CYLC2: variants seen among roughly 807,000 people sequenced by gnomAD.
CYLC2 encodes the protein cylicin 2.
CYLC2 carries 30 observed loss-of-function variants against 26.1 expected under a neutral mutation model. The ratio of observed to expected loss-of-function variants is 1.15; its 90% CI spans 0.86 to 1.56. The LOEUF is 1.56. Among genes scored for constraint, CYLC2 ranks in the 40% most tolerant of loss-of-function variants. The probability of loss-of-function intolerance (pLI) is 0.00; values close to 1 mark genes in which losing one functional copy is unlikely to be tolerated. For missense variants in CYLC2, 498 were observed against 394.4 expected (o/e 1.26, Z -2.23); for synonymous variants, 158 against 132.8 (o/e 1.19, Z -1.31).
chr9:103,001,756 T>C, intron 2 of CYLC2, 138 bp downstream of exon 2: 1 of 592,120 alleles, frequency 1.7e-6, no homozygotes, highest in Non-Finnish European at 3.0e-6. Context: ...GAACCTTTCT[T>C]ACAGGCCCAG....
chr9:102,996,040 A>G (rs932417999), intron 1 of CYLC2, among the ~76,000 whole-genome samples: 5 of 151,936 alleles, frequency 3.3e-5, no homozygotes, highest in Non-Finnish European at 7.4e-5. Flanking sequence ...CCTTTTACAG[A>G]GGACATGCAA....
At chr9:103,013,843 G>T (rs1379515912) in intron 6 of CYLC2, among the ~76,000 whole-genome samples, 4 of 86,572 alleles carry the variant, frequency 4.6e-5, no homozygotes, top group South Asian at 3.4e-4. Context: ...ATATAATAAA[G>T]ATAATACAAT....
In CYLC2 at chr9:103,004,821, C is replaced by T. The variant is rs375836898; in HGVS notation, c.307C>T (p.Arg103Cys). The T allele has an allele frequency of 6.8e-5, 109 of 1,611,980 alleles. No homozygotes were observed. The highest frequency in any genetic ancestry group is 8.8e-5 in the South Asian group (8 of 90,542). Residue 103 changes from arginine (R) to cysteine (C), a missense_variant, in exon 4 of 8, where the codon CGT (arginine) becomes TGT (cysteine). Physicochemically the swap from Arg to Cys is radical, Grantham distance 180. Coordinates refer to ENST00000374798, the MANE Select transcript of CYLC2 (RefSeq NM_001340.5). Reference protein sequence around the residue: ...AARRQPLKPTRTVEVDSKAAE... With the variant: ...AARRQPLKPTCTVEVDSKAAE... ...CAGGAGGCAGCCTCTCAAACCAACT[C>T]GTACTGTCGAGGTGGATTCTAAAGC...
chr9:102,998,786 C>A (rs1197834329), intron 1 of CYLC2, among the ~76,000 whole-genome samples: 4 of 151,936 alleles, frequency 2.6e-5, no homozygotes, highest in Non-Finnish European at 5.9e-5. Context: ...ACTTGCTTTT[C>A]TCCAACCAAT....
chr9:103,005,700 C>A lies in CYLC2; in HGVS notation c.*22C>A, dbSNP rs772481741. 2.5e-6 allele frequency: 4 copies of A among 1,578,270 alleles called. No homozygotes were observed. The highest frequency in any genetic ancestry group is 1.7e-6 in the Non-Finnish European group (2 of 1,165,166). On this transcript the variant is annotated 3_prime_UTR_variant, in exon 5 of 8. Transcript: ENST00000374798. Reference sequence around the variant, plus strand: ...GTAGGCCTTGGATAAGAATTTGAACCGAAAGAATAATTCAAAAGCATATTT... The same window carrying A: ...GTAGGCCTTGGATAAGAATTTGAACAGAAAGAATAATTCAAAAGCATATTT...
At position 103,005,369 on chromosome 9, in the gene CYLC2, T is replaced by C. The variant is rs779883917; in HGVS notation, c.738T>C (p.Asp246=). ...AVKADEKKDE[D]GKKDANKGDE... Reference sequence around the variant, plus strand: ...AAGCAGATGAAAAGAAGGATGAGGATGGAAAAAAAGATGCAAACAAAGGTG... The same window carrying C: ...AAGCAGATGAAAAGAAGGATGAGGACGGAAAAAAAGATGCAAACAAAGGTG... The change falls in exon 5 of 8, where the codon GAT becomes GAC. Residue 246 remains aspartate (D), a synonymous_variant. Transcript: ENST00000374798. 1.9e-6 allele frequency: 3 copies of C among 1,612,524 alleles called. No individual in the cohort carries two copies. The highest frequency in any genetic ancestry group is 1.3e-5 in the African/African-American group (1 of 74,460).
At chr9:103,009,362 C>T (rs1829382237) in intron 5 of CYLC2, among the ~76,000 whole-genome samples, 1 of 151,876 alleles carries the variant, frequency 6.6e-6, no homozygotes, top group African/African-American at 2.4e-5. Flanking sequence ...CTCTTCACCA[C>T]ATCCAGATAA....
At chr9:103,015,037 T>C (rs1292302494) in intron 6 of CYLC2, among the ~76,000 whole-genome samples, 13 of 123,780 alleles carry the variant, frequency 1.1e-4, no homozygotes, top group Non-Finnish European at 2.0e-4. Context: ...ATACATGTGA[T>C]ATACATAATT....
At chr9:102,999,978 T>C (rs1296402236) in intron 1 of CYLC2, among the ~76,000 whole-genome samples, 1 of 151,822 alleles carries the variant, frequency 6.6e-6, no homozygotes, top group Non-Finnish European at 1.5e-5. Flanking sequence ...TGAAAATGAG[T>C]TGAAACATAC....
intron 5 of CYLC2, among the ~76,000 whole-genome samples, chr9:103,007,039 C>A (rs572842361): frequency 6.6e-6 from 1 of 152,176 alleles, no homozygotes; most frequent in South Asian, 2.1e-4. Context: ...TATGCTTTTA[C>A]TGATCAAATT....
intron 1 of CYLC2, among the ~76,000 whole-genome samples, chr9:102,997,753 C>T (rs1455777571): frequency 6.6e-6 from 1 of 151,866 alleles, no homozygotes; most frequent in Non-Finnish European, 1.5e-5. Context: ...TTTTAAAACA[C>T]ATCTAAGCAG....
In CYLC2 at chr9:103,005,350, A is replaced by C. The variant is rs1255063780; in HGVS notation, c.719A>C (p.Asp240Ala). ...ATAGAATTACAAGCTGTAAAAGCAG[A>C]TGAAAAGAAGGATGAGGATGGAAAA... Reference protein sequence around the residue: ...SAIELQAVKADEKKDEDGKKD... With the variant: ...SAIELQAVKAAEKKDEDGKKD... The change falls in exon 5 of 8, where the codon GAT becomes GCT. Residue 240 changes from aspartate to alanine, a missense_variant. Physicochemically the swap from Asp to Ala is moderately radical, Grantham distance 126. Coordinates refer to ENST00000374798, the MANE Select transcript of CYLC2 (RefSeq NM_001340.5). 6.2e-7 allele frequency: 1 copy of C among 1,614,008 alleles called. No individual in the cohort carries two copies. The highest frequency in any genetic ancestry group is 2.2e-5 in the East Asian group (1 of 44,850).
At position 103,006,305 on chromosome 9, in the gene CYLC2, C is replaced by G. The variant is rs1290799276; in HGVS notation, c.*627C>G. On this transcript the variant is annotated 3_prime_UTR_variant, in exon 5 of 8. Transcript: ENST00000374798. ...ACCCGATGAGCCTACATCTTTCTTT[C>G]TGAAGTTTAAACAACCACAGTCATG... The G allele has an allele frequency of 6.6e-6, 1 of 152,016 alleles. No homozygotes were observed. Among genetic ancestry groups the G allele is most frequent in the East Asian group, 1.9e-4 (1 of 5,188 alleles). The allele number at this position is 152,016 out of a possible 1,614,324, so 9.4% of individuals were successfully genotyped here.
chr9:103,016,220 A>G (rs1430254091), intron 6 of CYLC2, among the ~76,000 whole-genome samples: 1 of 151,892 alleles, frequency 6.6e-6, no homozygotes, highest in African/African-American at 2.4e-5. Flanking sequence ...CATAATGTAT[A>G]TCATATATAG....
chr9:103,013,988 T>C (rs1829454593), intron 6 of CYLC2, among the ~76,000 whole-genome samples: 1 of 102,236 alleles, frequency 9.8e-6, no homozygotes, highest in African/African-American at 3.7e-5. Flanking sequence ...TTATTTAATA[T>C]GATATTACAG....
chr9:103,006,015 TGGACACACACAC>T lies in CYLC2; in HGVS notation c.*338_*349del, dbSNP rs1829344570. The T allele has an allele frequency of 8.5e-6, 1 of 117,968 alleles. No individual in the cohort carries two copies. Among genetic ancestry groups the T allele is most frequent in the Non-Finnish European group, 1.6e-5 (1 of 61,208 alleles). The allele number at this position is 117,968 out of a possible 1,614,324, so 7.3% of individuals were successfully genotyped here. A position where few individuals can be genotyped will look rare whatever the true frequency, so the allele number is the denominator to read the frequency against. On this transcript the variant is annotated 3_prime_UTR_variant, in exon 5 of 8. Coordinates refer to ENST00000374798, the MANE Select transcript of CYLC2 (RefSeq NM_001340.5). Reference sequence around the variant, plus strand: ...GTTGAAGATAATGACACTAAATCTATGGACACACACACACACACACACACACACACACACACA... The same window carrying T: ...GTTGAAGATAATGACACTAAATCTATACACACACACACACACACACACACA...
At chr9:103,012,884 T>C (rs1409799171) in intron 6 of CYLC2, among the ~76,000 whole-genome samples, 1 of 151,226 alleles carries the variant, frequency 6.6e-6, no homozygotes, top group Non-Finnish European at 1.5e-5. Flanking sequence ...TCAGGGTATA[T>C]ACAGAGAAGA....
intron 1 of CYLC2, among the ~76,000 whole-genome samples, chr9:102,998,694 C>A (rs567238737): frequency 2.0e-5 from 3 of 152,016 alleles, no homozygotes; most frequent in East Asian, 3.9e-4. Context: ...GTCACTAACT[C>A]TAATCTCATA....
At chr9:103,000,401 T>G (rs1465535636) in intron 1 of CYLC2, among the ~76,000 whole-genome samples, 1 of 152,036 alleles carries the variant, frequency 6.6e-6, no homozygotes, top group Non-Finnish European at 1.5e-5. Context: ...TTAAAATCTT[T>G]CCTCTTCGAG....
Sources: allele counts gnomAD v4.1 joint callset (sites outside exome capture counted in the v4.1 genomes callset), GRCh38; gene constraint gnomAD v4.1.1; transcripts MANE v1.5; gene names NCBI Gene and HGNC (gene_info 2026-07-23, HGNC 2026-07-21).